Variants in NBEA observed in about 807,000 individuals in gnomAD.
NBEA encodes the protein lysosomal-trafficking regulator 2.
Under a neutral mutation model 343.4 loss-of-function variants are expected in NBEA, and 44 were observed. That is an observed-to-expected ratio of 0.13 (90% CI 0.10 to 0.16). NBEA has a LOEUF of 0.16. Among genes scored for constraint, NBEA ranks in the 10% least tolerant of loss-of-function variants. The probability of loss-of-function intolerance (pLI) is 1.00; values close to 1 mark genes in which losing one functional copy is unlikely to be tolerated. For synonymous variants in NBEA, 1,175 were observed against 1,238.7 expected, an observed-to-expected ratio of 0.95 and a Z score of 1.08; for missense variants, 2,555 against 3,631.3, an observed-to-expected ratio of 0.70 and a Z score of 7.62.
chr13:35,330,990 A>G (rs78375444), intron 36 of NBEA, among the ~76,000 whole-genome samples: 7,977 of 152,116 alleles, frequency 0.052, 395 homozygotes, highest in African/African-American at 0.14. Flanking sequence ...AGCATAATTC[A>G]TAGCTAATAT....
chr13:35,172,515 C>T (rs2070546323), intron 26 of NBEA, among the ~76,000 whole-genome samples: 1 of 151,878 alleles, frequency 6.6e-6, no homozygotes, highest in African/African-American at 2.4e-5. Context: ...TTTGGTTATT[C>T]TGTACTTTTA....
intron 55 of NBEA, among the ~76,000 whole-genome samples, chr13:35,663,617 G>A (rs1258049985): frequency 6.6e-6 from 1 of 152,114 alleles, no homozygotes; most frequent in Non-Finnish European, 1.5e-5. Flanking sequence ...TCCTTTGTTT[G>A]GAAAACTCTT....
intron 41 of NBEA, among the ~76,000 whole-genome samples, chr13:35,521,929 G>A (rs1310473259): frequency 1.3e-5 from 2 of 152,128 alleles, no homozygotes; most frequent in Admixed American, 1.3e-4. Context: ...AAAGAAGAAT[G>A]CGCAACCCAG....
intron 35 of NBEA, among the ~76,000 whole-genome samples, chr13:35,295,426 G>A (rs1010181532): frequency 6.6e-6 from 1 of 151,906 alleles, no homozygotes; most frequent in African/African-American, 2.4e-5. Flanking sequence ...CCTCTTATCT[G>A]TGATATAATG....
intron 41 of NBEA, among the ~76,000 whole-genome samples, chr13:35,473,050 C>G (rs1240368691): frequency 6.6e-6 from 1 of 152,166 alleles, no homozygotes; most frequent in Non-Finnish European, 1.5e-5. Context: ...AGAAAAGCAA[C>G]TGATTCTCTG....
intron 10 of NBEA, among the ~76,000 whole-genome samples, chr13:35,097,465 A>G (rs1346154988): frequency 6.6e-6 from 1 of 152,044 alleles, no homozygotes; most frequent in African/African-American, 2.4e-5. Flanking sequence ...TTTGAGCTAC[A>G]TTAAGCATAT....
chr13:35,476,264 A>C (rs1403766129), intron 41 of NBEA: 1 of 1,492,434 alleles, frequency 6.7e-7, no homozygotes, highest in African/African-American at 1.4e-5. Flanking sequence ...TGGATCAAAA[A>C]TGCCTTTCGG....
At chr13:35,398,498 T>G (rs1355439825) in intron 38 of NBEA, among the ~76,000 whole-genome samples, 2 of 152,136 alleles carry the variant, frequency 1.3e-5, no homozygotes, top group Admixed American at 6.6e-5. Flanking sequence ...TTGAAATAAC[T>G]CCTTGATGCA....
intron 10 of NBEA, among the ~76,000 whole-genome samples, chr13:35,085,650 T>G (rs376858147): frequency 1.2e-4 from 18 of 152,122 alleles, no homozygotes; most frequent in East Asian, 1.9e-4. Context: ...AAAACTGGAA[T>G]CATTCCCTTT....
intron 1 of NBEA, among the ~76,000 whole-genome samples, chr13:35,030,132 GT>G (rs949229667): frequency 6.6e-6 from 1 of 151,454 alleles, no homozygotes; most frequent in African/African-American, 2.4e-5. Context: ...ATTTAGCTTT[GT>G]TTTTTATTTA....
intron 38 of NBEA, among the ~76,000 whole-genome samples, chr13:35,429,441 G>T (rs1312354662): frequency 1.3e-5 from 2 of 152,024 alleles, no homozygotes; most frequent in African/African-American, 4.8e-5. Context: ...ACTAGAGGGA[G>T]CAGGCTTTTG....
In NBEA at chr13:35,646,268, G is replaced by A. The variant is rs778893664; in HGVS notation, c.7690G>A (p.Ala2564Thr). The A allele has an allele frequency of 2.5e-6, 4 of 1,612,876 alleles. No individual in the cohort carries two copies. The highest frequency in any genetic ancestry group is 2.2e-5 in the South Asian group (2 of 90,836). Residue 2564 changes from alanine to threonine, a missense_variant, in exon 51 of 59, where the codon GCA (alanine) becomes ACA (threonine). By Grantham distance (58) the Ala-to-Thr change is moderately conservative. This residue lies in a region of NBEA where 87 missense variants were observed against 75.0 expected (regional missense o/e 1.16). Coordinates refer to ENST00000379939, the MANE Select transcript of NBEA (RefSeq NM_001385012.1). The stretch of plus-strand genomic sequence containing the variant: ...CCTCCTTCCCCTGCAGGCCATGGAG[G>A]CACAGATACAGAACTTTGGACAGAC... ...LTKDFIKAME[A>T]QIQNFGQTPS...
In NBEA at chr13:35,243,168, T is replaced by G. The variant is rs376395815; in HGVS notation, c.5776+10549T>G. Among the ~76,000 whole-genome samples the G allele has an allele frequency of 1.8e-4, 27 of 151,954 alleles. No homozygotes were observed. In the East Asian group the frequency reaches 4.6e-3, roughly 26 times the overall value. On this transcript the variant is annotated intron_variant, in intron 34 of 58. Transcript: ENST00000379939. ...ATGACTGAGCTGTAAAGGAATAAAG[T>G]TTTTATATGCGATTGAAGTTAAGTT...
intron 10 of NBEA, among the ~76,000 whole-genome samples, chr13:35,074,348 T>G (rs1398006414): frequency 2.0e-5 from 3 of 152,178 alleles, no homozygotes; most frequent in African/African-American, 7.2e-5. Context: ...GAGCTATGTT[T>G]TTAAGAACAT....
chr13:35,376,724 A>G (rs1329118228), intron 38 of NBEA, among the ~76,000 whole-genome samples: 4 of 152,198 alleles, frequency 2.6e-5, no homozygotes, highest in African/African-American at 9.6e-5. Context: ...TGATTAGTCT[A>G]GAATGGAGGA....
chr13:35,659,783 T>G lies in NBEA; in HGVS notation c.8362+4034T>G, dbSNP rs577221346. On this transcript the variant is annotated intron_variant, in intron 55 of 58. Coordinates refer to ENST00000379939, the MANE Select transcript of NBEA (RefSeq NM_001385012.1). ...CTCGCGGCTTTGAACGTATAAATTA[T>G]CTTGGAGACTTTAAATAGGTCCCTA... Among the ~76,000 whole-genome samples the G allele has an allele frequency of 1.3e-4, 20 of 152,348 alleles. No individual in the cohort carries two copies. In the East Asian group the frequency reaches 3.8e-3, roughly 29 times the overall value.
intron 49 of NBEA, among the ~76,000 whole-genome samples, chr13:35,634,537 C>G (rs1317952249): frequency 2.6e-5 from 4 of 152,116 alleles, no homozygotes; most frequent in Non-Finnish European, 4.4e-5. Context: ...TAATACTTGT[C>G]ATCATTCTAT....
intron 38 of NBEA, among the ~76,000 whole-genome samples, chr13:35,388,051 AT>A (rs752543236): frequency 1.9e-4 from 29 of 152,108 alleles, no homozygotes; most frequent in Admixed American, 7.2e-4. Context: ...ATTTTTTTAA[AT>A]TTCCGAATCC....
At chr13:35,482,170 T>G (rs889868168) in intron 41 of NBEA, among the ~76,000 whole-genome samples, 2 of 151,786 alleles carry the variant, frequency 1.3e-5, no homozygotes, top group Non-Finnish European at 3.0e-5. Flanking sequence ...ATTTATTTTT[T>G]TTAATGATTA....
Sources: allele counts gnomAD v4.1 joint callset (sites outside exome capture counted in the v4.1 genomes callset), GRCh38; gene constraint gnomAD v4.1.1; regional missense constraint gnomAD v4.1.1; transcripts MANE v1.5; gene names NCBI Gene and HGNC (gene_info 2026-07-23, HGNC 2026-07-21).